Variants in ABLIM2 observed in about 807,000 individuals in gnomAD.
The protein encoded by ABLIM2 is actin-binding LIM protein 2.
A neutral mutation model predicts 97.7 loss-of-function variants in ABLIM2; 53 were observed. The observed-to-expected ratio is 0.54, with a 90% CI of 0.44 to 0.68. The LOEUF (loss-of-function observed/expected upper bound fraction) is 0.68, where lower values mean the gene tolerates loss of function less well. Among genes scored for constraint, ABLIM2 ranks in the 30% least tolerant of loss-of-function variants. The probability of loss-of-function intolerance (pLI) is 0.00; values close to 1 mark genes in which losing one functional copy is unlikely to be tolerated. For missense variants in ABLIM2, 835 were observed against 867.2 expected (o/e 0.96, Z 0.47); for synonymous variants, 361 against 345.8 (o/e 1.04, Z -0.49).
At position 8,058,594 on chromosome 4, in the gene ABLIM2, G is replaced by A. The variant is rs553073481; in HGVS notation, c.763+2373C>T. Among the ~76,000 whole-genome samples, 47 of 152,248 alleles carry A rather than the reference G, an allele frequency of 3.1e-4. No individual in the cohort carries two copies. The South Asian group carries it at 8.7e-3, about 28-fold the overall frequency. On this transcript the variant is annotated intron_variant, in intron 7 of 20. Coordinates refer to ENST00000447017, the MANE Select transcript of ABLIM2 (RefSeq NM_001130083.2). This position sits in a 1 kb window ranked among gnomAD's most constrained non-coding sequence, Gnocchi z 4.2. Reference sequence around the variant, plus strand: ...GTCCTCGCCGGGGCCCCTATGCCCCGTCCAATCCATCATCAAGTCTGGGGG... The same window carrying A: ...GTCCTCGCCGGGGCCCCTATGCCCCATCCAATCCATCATCAAGTCTGGGGG...
chr4:7,983,680 GTC>G, intron 18 of ABLIM2, 126 bp from the exon 19 acceptor site: 1 of 1,187,406 alleles, frequency 8.4e-7, no homozygotes, highest in Non-Finnish European at 1.2e-6. Context: ...GCCATGCATG[GTC>G]CCCGAGCAGC....
At chr4:8,026,075 G>A (rs929926276) in intron 12 of ABLIM2, among the ~76,000 whole-genome samples, 6 of 152,294 alleles carry the variant, frequency 3.9e-5, no homozygotes, top group East Asian at 1.9e-4. Flanking sequence ...TGGCACAATC[G>A]TAGCTCACTG....
rs928814113 is a variant in ABLIM2 at position 8,112,765 on chromosome 4, G to A, written c.11-6128C>T. On this transcript the variant is annotated intron_variant, in intron 1 of 20. Transcript: ENST00000447017. The surrounding 1 kb of genome is among the most constrained non-coding windows in gnomAD (Gnocchi z 4.2). ...GAATGGTCAGTCATCCTCATCTCAC[G>A]GATGAGGATGCCAAGGCTAGGAGAT... Among the ~76,000 whole-genome samples the A allele has an allele frequency of 3.3e-5, 5 of 152,226 alleles. No homozygotes were observed. In the East Asian group the frequency reaches 9.7e-4, roughly 29 times the overall value.
intron 9 of ABLIM2, among the ~76,000 whole-genome samples, chr4:8,037,645 A>C (rs1579391575): frequency 6.6e-6 from 1 of 151,442 alleles, no homozygotes; most frequent in Non-Finnish European, 1.5e-5. Context: ...GCACACAATC[A>C]CCCCACCCCT....
chr4:7,967,233 C>T (rs1331807587), intron 20 of ABLIM2, 130 bp from the exon 21 acceptor site: 25 of 754,142 alleles, frequency 3.3e-5, no homozygotes, highest in South Asian at 4.7e-5. Flanking sequence ...TCAGCGTGCT[C>T]GGCCTCCTGG....
At chr4:8,029,097 G>A (rs905340762) in intron 11 of ABLIM2, among the ~76,000 whole-genome samples, 2 of 152,150 alleles carry the variant, frequency 1.3e-5, no homozygotes, top group Admixed American at 1.3e-4. Context: ...AAGGTGACAC[G>A]TGTGGAAAGG....
intron 9 of ABLIM2, among the ~76,000 whole-genome samples, chr4:8,039,905 C>A (rs1787186075): frequency 8.8e-6 from 1 of 113,846 alleles, no homozygotes; most frequent in Non-Finnish European, 1.8e-5. Flanking sequence ...TTAATAAATG[C>A]AGATTGCTTT....
At chr4:8,133,675 T>C (rs1181741110) in intron 1 of ABLIM2, among the ~76,000 whole-genome samples, 1 of 152,186 alleles carries the variant, frequency 6.6e-6, no homozygotes, top group African/African-American at 2.4e-5. Context: ...TGCACACACC[T>C]AGGCTGCCCA....
At position 8,083,734 on chromosome 4, in the gene ABLIM2, G is replaced by A. The variant is rs573543134; in HGVS notation, c.455-2932C>T. Among the ~76,000 whole-genome samples, 2 of 152,324 alleles carry A rather than the reference G, an allele frequency of 1.3e-5. No homozygotes were observed. The highest frequency in any genetic ancestry group is 1.9e-4 in the East Asian group (1 of 5,178). On this transcript the variant is annotated intron_variant, in intron 4 of 20. Coordinates refer to ENST00000447017, the MANE Select transcript of ABLIM2 (RefSeq NM_001130083.2). This position sits in a 1 kb window ranked among gnomAD's most constrained non-coding sequence, Gnocchi z 4.6. ...CAGGCTGTGGACTAGAGCTGTCAGCGGCAGGATGTCCCTAGCAGGGCAGAA... is the reference window on the plus strand; with the variant it reads ...CAGGCTGTGGACTAGAGCTGTCAGCAGCAGGATGTCCCTAGCAGGGCAGAA...
chr4:7,975,217 CA>C lies in ABLIM2; in HGVS notation c.1824+8046del, dbSNP rs542476170. ...TAGGTGACAGAGTGAGACCCTGTCT[CA>C]AAAAAAAATTCATTTTCCACACTGC... On this transcript the variant is annotated intron_variant, in intron 20 of 20. Transcript: ENST00000447017. Among the ~76,000 whole-genome samples the C allele has an allele frequency of 2.6e-5, 4 of 151,288 alleles. No individual in the cohort carries two copies. The East Asian group carries it at 5.8e-4, about 22-fold the overall frequency.
At chr4:8,039,669 C>T (rs1786837796) in intron 9 of ABLIM2, among the ~76,000 whole-genome samples, 1 of 152,144 alleles carries the variant, frequency 6.6e-6, no homozygotes, top group South Asian at 2.1e-4. Flanking sequence ...AATGATAACA[C>T]AGAATGGAAG....
At chr4:8,026,879 A>G (rs1359996574) in intron 12 of ABLIM2, among the ~76,000 whole-genome samples, 1 of 145,046 alleles carries the variant, frequency 6.9e-6, no homozygotes, top group African/African-American at 2.7e-5. Flanking sequence ...GTGGCCTTTT[A>G]CCTGAGTGTG....
Position 8,122,401 on chromosome 4 carries a change from C to A in ABLIM2, c.11-15764G>T, listed in dbSNP as rs1235372465. On this transcript the variant is annotated intron_variant, in intron 1 of 20. Coordinates refer to ENST00000447017, the MANE Select transcript of ABLIM2 (RefSeq NM_001130083.2). The surrounding 1 kb of genome is among the most constrained non-coding windows in gnomAD (Gnocchi z 4.1). ...GGTGGCTTAAAAGACTGACACTTATCTCCCACAGTTCTGGAGCCTAAGAGT... is the reference window on the plus strand; with the variant it reads ...GGTGGCTTAAAAGACTGACACTTATATCCCACAGTTCTGGAGCCTAAGAGT... Among the ~76,000 whole-genome samples the A allele has an allele frequency of 6.6e-6, 1 of 152,226 alleles. No individual in the cohort carries two copies.
intron 6 of ABLIM2, among the ~76,000 whole-genome samples, chr4:8,062,714 C>T (rs1804162188): frequency 6.6e-6 from 1 of 152,176 alleles, no homozygotes; most frequent in Non-Finnish European, 1.5e-5. Context: ...GTTGGGATTA[C>T]AGGCATGAGC....
chr4:7,997,679 G>C (rs142465476), intron 16 of ABLIM2, among the ~76,000 whole-genome samples: 1,643 of 152,176 alleles, frequency 0.011, 16 homozygotes, highest in Non-Finnish European at 0.016. Context: ...CTCCAGGCCC[G>C]GGTCTCCTGC....
At chr4:7,988,022 C>T (rs984543824) in intron 17 of ABLIM2, among the ~76,000 whole-genome samples, 2 of 152,102 alleles carry the variant, frequency 1.3e-5, no homozygotes, top group Non-Finnish European at 2.9e-5. Flanking sequence ...TTGTTTACTA[C>T]CTATTTTTAT....
intron 1 of ABLIM2, among the ~76,000 whole-genome samples, chr4:8,151,589 C>G (rs1362821645): frequency 6.6e-6 from 1 of 152,136 alleles, no homozygotes; most frequent in Admixed American, 6.5e-5. Context: ...GCAGCAGGGT[C>G]CCTAAAATGG....
rs532634254 is a variant in ABLIM2 at position 7,978,527 on chromosome 4, G to A, written c.1824+4737C>T. The stretch of plus-strand genomic sequence containing the variant: ...TTGCTGTGAGTCCCAACAGGCCCCT[G>A]GACGCTGCTGCTGGGCCAGGAGCTG... On this transcript the variant is annotated intron_variant, in intron 20 of 20. Coordinates refer to ENST00000447017, the MANE Select transcript of ABLIM2 (RefSeq NM_001130083.2). Among the ~76,000 whole-genome samples the A allele has an allele frequency of 2.6e-5, 4 of 152,342 alleles. No individual in the cohort carries two copies. In the East Asian group the frequency reaches 5.8e-4, roughly 22 times the overall value.
chr4:8,041,733 T>G (rs1190574246), intron 9 of ABLIM2, among the ~76,000 whole-genome samples: 1 of 152,038 alleles, frequency 6.6e-6, no homozygotes, highest in Non-Finnish European at 1.5e-5. Context: ...AAACCCCGTC[T>G]CTATTAAAAA....
Sources: allele counts gnomAD v4.1 joint callset (sites outside exome capture counted in the v4.1 genomes callset), GRCh38; gene constraint gnomAD v4.1.1; non-coding constraint Gnocchi (gnomAD v3.1); transcripts MANE v1.5; gene names NCBI Gene and HGNC (gene_info 2026-07-23, HGNC 2026-07-21).